The following PCDH1 variants were observed in gnomAD, a reference collection of about 807,000 sequenced individuals.
PCDH1 encodes the protein protocadherin 1.
PCDH1 carries 23 observed loss-of-function variants against 74.6 expected under a neutral mutation model. That is an observed-to-expected ratio of 0.31 (90% CI 0.22 to 0.44). PCDH1 has a LOEUF of 0.44. PCDH1 is among the 20% of genes least tolerant of loss of function. The probability of loss-of-function intolerance (pLI) is 1.00; values close to 1 mark genes in which losing one functional copy is unlikely to be tolerated. For missense variants in PCDH1, 1,214 were observed against 1,641.4 expected (o/e 0.74, Z 4.50); for synonymous variants, 647 against 686.1 (o/e 0.94, Z 0.89).
intron 4 of PCDH1, 30 bp from the exon 5 acceptor site, chr5:141,854,466 T>C (rs768942199): frequency 6.4e-7 from 1 of 1,570,630 alleles, no homozygotes; most frequent in South Asian, 1.2e-5. Context: ...AGGACAATTG[T>C]CAGACATACA....
rs1418550617 is a variant in PCDH1, at chr5:141,863,349, T to C, written c.2982A>G (p.Val994=). The change falls in exon 3 of 5, where the codon GTA becomes GTG. Residue 994 remains valine (V), a synonymous_variant. Transcript: ENST00000287008. This position sits in a 1 kb window ranked among gnomAD's most constrained non-coding sequence, Gnocchi z 7.5. ...SPSASKKHQV[V]QDLPPANTFV... ...ATGTGTTTGCAGGTGGCAGGTCCTG[T>C]ACCACCTGGTGCTTCTTGGAGGCTG... is the stretch of plus-strand genomic sequence containing the variant. 6 of 1,551,248 alleles carry C rather than the reference T, an allele frequency of 3.9e-6. No homozygotes were observed. In the African/African-American group the frequency reaches 5.5e-5, roughly 14 times the overall value.
chr5:141,872,891 A>G (rs2126831592), intron 1 of PCDH1, among the ~76,000 whole-genome samples: 1 of 152,300 alleles, frequency 6.6e-6, no homozygotes, highest in South Asian at 2.1e-4. Flanking sequence ...AATGTGGGGA[A>G]AACAGGGTTG....
At chr5:141,860,624 G>T (rs2126809445) in intron 3 of PCDH1, among the ~76,000 whole-genome samples, 1 of 152,054 alleles carries the variant, frequency 6.6e-6, no homozygotes, top group East Asian at 1.9e-4. Flanking sequence ...CTTCACCACA[G>T]AACGCCTTTT....
intron 1 of PCDH1, among the ~76,000 whole-genome samples, chr5:141,873,611 T>C (rs1753150075): frequency 7.3e-6 from 1 of 137,368 alleles, no homozygotes; most frequent in African/African-American, 2.8e-5. Context: ...CATGCCCAGC[T>C]AATTTTTTTT....
Position 141,864,315 on chromosome 5 carries a change from G to T in PCDH1, c.2016C>A (p.Ser672Arg). 6.2e-7 allele frequency: 1 copy of T among 1,614,076 alleles called. No homozygotes were observed. The highest frequency in any genetic ancestry group is 8.5e-7 in the Non-Finnish European group (1 of 1,179,952). Reference protein sequence around the residue: ...NGTGTILSSLSFDREQQSTYT... With the variant: ...NGTGTILSSLRFDREQQSTYT... ...AGGTGCTTTGTTGCTCTCGATCAAA[G>T]CTCAGGCTGGATAGGATGGTGCCTG... The change falls in exon 3 of 5, where the codon AGC (serine) becomes AGA (arginine). Residue 672 changes from serine to arginine, a missense_variant. Physicochemically the swap from Ser to Arg is moderately radical, Grantham distance 110. Transcript: ENST00000287008. This position sits in a 1 kb window ranked among gnomAD's most constrained non-coding sequence, Gnocchi z 5.9.
intron 1 of PCDH1, among the ~76,000 whole-genome samples, chr5:141,877,043 T>A (rs1401846180): frequency 6.6e-6 from 1 of 152,230 alleles, no homozygotes; most frequent in African/African-American, 2.4e-5. Context: ...GCCTTCCCGC[T>A]GTGCCGATAT....
rs1752221181 is a variant in PCDH1, at chr5:141,854,046, A to G, written c.3710T>C (p.Leu1237Pro). The change falls in exon 5 of 5, where the codon CTG (leucine) becomes CCG (proline). Residue 1237 changes from leucine to proline, a missense_variant. Leu to Pro is a moderately conservative substitution (Grantham distance 98, BLOSUM62 -3). Around this residue, in one of 4 missense-constraint regions of PCDH1, gnomAD observed 194 missense variants for 198.3 expected, o/e 0.98. Coordinates refer to ENST00000287008, the MANE Select transcript of PCDH1 (RefSeq NM_032420.5). ...GCCGGCCGGCCAGTAGGGGGCTCAC[A>G]GGTAGATCTCGCGCTTGGCCGTCTG... ...SAQTAKREIYL is the reference protein window; with the variant it reads ...SAQTAKREIYP 1 of 1,507,118 alleles carries G rather than the reference A, an allele frequency of 6.6e-7. No homozygotes were observed. The highest frequency in any genetic ancestry group is 8.9e-7 in the Non-Finnish European group (1 of 1,128,096). The allele number at this position is 1,507,118 out of a possible 1,614,324, so 93.4% of individuals were successfully genotyped here.
At chr5:141,858,212 A>C (rs1752433695) in intron 3 of PCDH1, among the ~76,000 whole-genome samples, 1 of 150,000 alleles carries the variant, frequency 6.7e-6, no homozygotes, top group African/African-American at 2.5e-5. Flanking sequence ...TCCCCACTTC[A>C]CTCCCCTCCA....
At position 141,864,877 on chromosome 5, in the gene PCDH1, G is replaced by C. The variant is rs752195982; in HGVS notation, c.1454C>G (p.Pro485Arg). 3.1e-6 allele frequency: 5 copies of C among 1,614,026 alleles called. No homozygotes were observed. The highest frequency in any genetic ancestry group is 4.2e-6 in the Non-Finnish European group (5 of 1,180,004). The change falls in exon 3 of 5, where the codon CCA (proline) becomes CGA (arginine). Residue 485 changes from proline to arginine, a missense_variant. Transcript: ENST00000287008. This position sits in a 1 kb window ranked among gnomAD's most constrained non-coding sequence, Gnocchi z 5.9. ...EIVAVDSGNP[P>R]LSSTNSLKVQ... is the part of the protein sequence containing the mutation. ...CTTGAGGGAGTTAGTGCTGGAGAGT[G>C]GGGGGTTGCCAGAGTCCACAGCCAC... is the stretch of plus-strand genomic sequence containing the variant.
At chr5:141,872,132 C>G (rs924510143) in intron 1 of PCDH1, among the ~76,000 whole-genome samples, 3 of 144,224 alleles carry the variant, frequency 2.1e-5, no homozygotes, top group African/African-American at 5.4e-5. Context: ...CCCCCCACCC[C>G]CCCCCTCCAC....
rs1752210791 is a variant in PCDH1, at chr5:141,853,774, T to C, written c.*268A>G. 3 of 365,894 alleles carry C rather than the reference T, an allele frequency of 8.2e-6. No individual in the cohort carries two copies. The highest frequency in any genetic ancestry group is 1.5e-5 in the Non-Finnish European group (3 of 203,752). 22.7% of individuals were successfully genotyped at this position (365,894 alleles called of 1,614,324 possible). On this transcript the variant is annotated 3_prime_UTR_variant, in exon 5 of 5. Transcript: ENST00000287008. The stretch of plus-strand genomic sequence containing the variant: ...CTGGAAGTCAAGGGAAGGAGCCCAG[T>C]CATTGCAGAGGAGCCCTCTTGGGCA...
chr5:141,874,440 G>A (rs1279294574), intron 1 of PCDH1, among the ~76,000 whole-genome samples: 1 of 152,208 alleles, frequency 6.6e-6, no homozygotes, highest in Non-Finnish European at 1.5e-5. Flanking sequence ...TCCCCCCAGT[G>A]ACATGGGCAC....
intron 3 of PCDH1, among the ~76,000 whole-genome samples, chr5:141,857,863 G>GTAGA (rs1407317913): frequency 6.6e-6 from 1 of 152,128 alleles, no homozygotes; most frequent in Admixed American, 6.5e-5. Flanking sequence ...GTAATACGGT[G>GTAGA]TAGAGCCCAA....
chr5:141,856,266 C>A, intron 4 of PCDH1: 2 of 1,529,428 alleles, frequency 1.3e-6, no homozygotes, highest in Non-Finnish European at 1.7e-6. Context: ...GCCGGCTCTG[C>A]GCGGGCACAA....
chr5:141,870,383 A>C (rs1199601604), intron 1 of PCDH1, among the ~76,000 whole-genome samples: 2 of 152,192 alleles, frequency 1.3e-5, no homozygotes, highest in Non-Finnish European at 2.9e-5. Flanking sequence ...AACACAGGTC[A>C]AGATTGGGGT....
rs1752210662 is a variant in PCDH1, at chr5:141,853,770, C to T, written c.*272G>A. 1 of 361,770 alleles carries T rather than the reference C, an allele frequency of 2.8e-6. No homozygotes were observed. The allele number at this position is 361,770 out of a possible 1,614,324, so 22.4% of individuals were successfully genotyped here. On this transcript the variant is annotated 3_prime_UTR_variant, in exon 5 of 5. Transcript: ENST00000287008. ...CTCCCTGGAAGTCAAGGGAAGGAGCCCAGTCATTGCAGAGGAGCCCTCTTG... is the reference window on the plus strand; with the variant it reads ...CTCCCTGGAAGTCAAGGGAAGGAGCTCAGTCATTGCAGAGGAGCCCTCTTG...
rs779052684 is a variant in PCDH1 at position 141,869,832 on chromosome 5, T to C, written c.41-401A>G. Reference sequence around the variant, plus strand: ...TCCTGCCTTAGTCACCGATGGTAATTACCTTGATACTGAGATAGGGAGAGA... The same window carrying C: ...TCCTGCCTTAGTCACCGATGGTAATCACCTTGATACTGAGATAGGGAGAGA... On this transcript the variant is annotated intron_variant, in intron 1 of 4. Coordinates refer to ENST00000287008, the MANE Select transcript of PCDH1 (RefSeq NM_032420.5). This position sits in a 1 kb window ranked among gnomAD's most constrained non-coding sequence, Gnocchi z 4.9. The C allele has an allele frequency of 2.9e-5, 28 of 980,662 alleles. No individual in the cohort carries two copies. The highest frequency in any genetic ancestry group is 3.3e-5 in the Non-Finnish European group (27 of 825,576). The allele number at this position is 980,662 out of a possible 1,614,324, so 60.7% of individuals were successfully genotyped here. A position where few individuals can be genotyped will look rare whatever the true frequency, so the allele number is the denominator to read the frequency against.
At position 141,865,282 on chromosome 5, in the gene PCDH1, A is replaced by T; in HGVS notation, c.1049T>A (p.Leu350Gln). 1 of 1,614,194 alleles carries T rather than the reference A, an allele frequency of 6.2e-7. No homozygotes were observed. The highest frequency in any genetic ancestry group is 1.3e-5 in the African/African-American group (1 of 75,044). Residue 350 changes from leucine (L) to glutamine (Q), a missense_variant, in exon 3 of 5, where the codon CTA becomes CAA. Leu to Gln is a moderately radical substitution (Grantham distance 113). This residue lies in a region of PCDH1 where 836 missense variants were observed against 1,182.2 expected (regional missense o/e 0.71). Coordinates refer to ENST00000287008, the MANE Select transcript of PCDH1 (RefSeq NM_032420.5). The surrounding 1 kb of genome is among the most constrained non-coding windows in gnomAD (Gnocchi z 4.4). ...TVQGPVDRED[L>Q]STLRFSVLAK... ...AAGCACTGAGAAGCGCAGGGTGCTT[A>T]GGTCCTCACGGTCCACCGGGCCCTG...
chr5:141,868,611 G>A lies in PCDH1; in HGVS notation c.861C>T (p.Ala287=), dbSNP rs113377459. 3,543 of 1,578,442 alleles carry A rather than the reference G, an allele frequency of 2.2e-3. 44 individuals carry two copies. In the African/African-American group the frequency reaches 0.034, roughly 15 times the overall value. ...APKFERPSYE[A]ELSENSPIGH... ...CTATGGGGCTATTCTCAGATAGTTCGGCCTCATAGGAGGGCCGCTCAAACT... is the reference window on the plus strand; with the variant it reads ...CTATGGGGCTATTCTCAGATAGTTCAGCCTCATAGGAGGGCCGCTCAAACT... The change falls in exon 2 of 5, where the codon GCC becomes GCT. Residue 287 remains alanine, a synonymous_variant. Coordinates refer to ENST00000287008, the MANE Select transcript of PCDH1 (RefSeq NM_032420.5). The surrounding 1 kb of genome is among the most constrained non-coding windows in gnomAD (Gnocchi z 4.8).
Sources: gnomAD v4.1 joint callset for allele counts (sites outside exome capture counted in the v4.1 genomes callset) on GRCh38, gnomAD v4.1.1 for gene constraint, gnomAD v4.1.1 regional missense constraint, Gnocchi (gnomAD v3.1) non-coding constraint, MANE v1.5 for transcripts, NCBI Gene and HGNC (gene_info 2026-07-23, HGNC 2026-07-21) for gene names.